Variants in EXOC4 observed in about 807,000 individuals in gnomAD.
The protein encoded by EXOC4 is exocyst complex component 4, also known as SEC8-like 1.
Under a neutral mutation model 107.2 loss-of-function variants are expected in EXOC4, and 71 were observed. The ratio of observed to expected loss-of-function variants is 0.66; its 90% CI spans 0.55 to 0.81. EXOC4 has a LOEUF of 0.81. Among genes scored for constraint, EXOC4 ranks in the 30% least tolerant of loss-of-function variants. The pLI is 0.00. For missense variants in EXOC4, 1,108 were observed against 1,189.6 expected (o/e 0.93, Z 1.01); for synonymous variants, 456 against 441.2 (o/e 1.03, Z -0.42).
the EXOC4 span, among the ~76,000 whole-genome samples, chr7:134,098,207 T>C: frequency 1.1e-4 from 16 of 152,306 alleles, 1 homozygote; most frequent in Admixed American, 8.5e-4. Context: ...TAAAGCCTGC[T>C]GTGATGTTAA....
intron 10 of EXOC4, among the ~76,000 whole-genome samples, chr7:133,682,526 T>C (rs1350138648): frequency 6.6e-6 from 1 of 152,160 alleles, no homozygotes; most frequent in African/African-American, 2.4e-5. Context: ...AAACCTCTTT[T>C]TGTTCCCAGT....
At chr7:134,026,678 G>A (rs1257757899) in intron 17 of EXOC4, among the ~76,000 whole-genome samples, 1 of 152,060 alleles carries the variant, frequency 6.6e-6, no homozygotes, top group Non-Finnish European at 1.5e-5. Flanking sequence ...ATGCTGTTAT[G>A]GAAAGATATT....
At chr7:133,350,144 G>A (rs1463771168) in intron 5 of EXOC4, among the ~76,000 whole-genome samples, 2 of 151,832 alleles carry the variant, frequency 1.3e-5, no homozygotes, top group South Asian at 2.1e-4. Flanking sequence ...TTTGTTCTTA[G>A]TGTCTTTTGG....
At chr7:133,643,893 C>T (rs556398094) in intron 10 of EXOC4, among the ~76,000 whole-genome samples, 1 of 152,296 alleles carries the variant, frequency 6.6e-6, no homozygotes, top group South Asian at 2.1e-4. Flanking sequence ...ATGACTACTT[C>T]CTCTACTGAT....
intron 10 of EXOC4, among the ~76,000 whole-genome samples, chr7:133,737,247 A>G (rs551276132): frequency 6.6e-6 from 1 of 152,240 alleles, no homozygotes; most frequent in East Asian, 1.9e-4. Flanking sequence ...CTCCTTATTG[A>G]CTGTAATTGA....
chr7:133,792,483 G>GAA (rs777976054), intron 10 of EXOC4, among the ~76,000 whole-genome samples: 1 of 147,270 alleles, frequency 6.8e-6, no homozygotes, highest in Non-Finnish European at 1.5e-5. Context: ...AGCCCGGAAG[G>GAA]TTGAGGCTGC....
chr7:133,556,779 G>A (rs117963243), intron 9 of EXOC4, among the ~76,000 whole-genome samples: 2,762 of 152,278 alleles, frequency 0.018, 52 homozygotes, highest in Non-Finnish European at 0.028. Context: ...TGCTGAAGGA[G>A]TGGGAGAGTT....
chr7:133,368,366 A>G (rs148640852), intron 6 of EXOC4, among the ~76,000 whole-genome samples: 45 of 152,350 alleles, frequency 3.0e-4, no homozygotes, highest in East Asian at 1.9e-3. Context: ...ATACAGAATT[A>G]TTATTATGGA....
At chr7:133,470,380 G>A (rs1033437630) in intron 7 of EXOC4, among the ~76,000 whole-genome samples, 3 of 152,132 alleles carry the variant, frequency 2.0e-5, no homozygotes, top group Admixed American at 6.5e-5. Context: ...CTTTAATACC[G>A]TGAGATTGCT....
At chr7:134,016,001 A>C (rs768848742) in intron 17 of EXOC4, among the ~76,000 whole-genome samples, 1 of 151,934 alleles carries the variant, frequency 6.6e-6, no homozygotes, top group African/African-American at 2.4e-5. Flanking sequence ...GGTCTTGGAG[A>C]GTGATTGAAT....
chr7:133,528,534 C>T (rs537185402), intron 9 of EXOC4, among the ~76,000 whole-genome samples: 15 of 152,018 alleles, frequency 9.9e-5, no homozygotes, highest in Non-Finnish European at 1.6e-4. Context: ...AGTTGGTTTT[C>T]GGGAAGAGGC....
At chr7:133,676,543 G>A (rs976717262) in intron 10 of EXOC4, among the ~76,000 whole-genome samples, 3 of 152,080 alleles carry the variant, frequency 2.0e-5, no homozygotes, top group Non-Finnish European at 2.9e-5. Context: ...CTCTTTTCAT[G>A]TGTAGGAACC....
In EXOC4 at chr7:134,005,029, C is replaced by T. The variant is rs773459860; in HGVS notation, c.2466C>T (p.Ser822=). The T allele has an allele frequency of 9.9e-6, 16 of 1,613,438 alleles. No homozygotes were observed. Among genetic ancestry groups the T allele is most frequent in the Non-Finnish European group, 1.0e-5 (12 of 1,179,648 alleles). Residue 822 remains serine (S), a synonymous_variant, in exon 16 of 18, where the codon AGC becomes AGT. Transcript: ENST00000253861. The stretch of plus-strand genomic sequence containing the variant: ...TGGTCAAGCTCAACAAAGATATCAG[C>T]GCCATTGAAGAGGCCATGAGCGCCA... ...PLVVKLNKDI[S]AIEEAMSASL...
In EXOC4 at chr7:133,645,854, G is replaced by T. The variant is rs1047504272; in HGVS notation, c.1514+15713G>T. Among the ~76,000 whole-genome samples the T allele has an allele frequency of 5.9e-5, 9 of 152,318 alleles. No homozygotes were observed. The South Asian group carries it at 1.4e-3, about 25-fold the overall frequency. On this transcript the variant is annotated intron_variant, in intron 10 of 17. Coordinates refer to ENST00000253861, the MANE Select transcript of EXOC4 (RefSeq NM_021807.4). ...ATTTTGTGGTAAAGTTATGTAAAGAGGACTAGTTTTTATTTAGGTAATTGT... is the reference window on the plus strand; with the variant it reads ...ATTTTGTGGTAAAGTTATGTAAAGATGACTAGTTTTTATTTAGGTAATTGT...
intron 11 of EXOC4, among the ~76,000 whole-genome samples, chr7:133,820,785 G>A (rs996512109): frequency 6.6e-6 from 1 of 152,232 alleles, no homozygotes; most frequent in African/African-American, 2.4e-5. Flanking sequence ...AGCTGTCTCA[G>A]TGATGCTTCC....
chr7:133,627,749 G>A (rs1324193516), intron 9 of EXOC4, among the ~76,000 whole-genome samples: 2 of 152,128 alleles, frequency 1.3e-5, no homozygotes, highest in East Asian at 3.9e-4. Context: ...TCATATCTCT[G>A]ATGCAAATAT....
chr7:133,667,636 CTT>C (rs1793850535), intron 10 of EXOC4, among the ~76,000 whole-genome samples: 2 of 152,126 alleles, frequency 1.3e-5, no homozygotes, highest in Admixed American at 1.3e-4. Context: ...TGAATTTACT[CTT>C]TTGTCTTCAT....
chr7:133,570,286 C>G (rs956523145), intron 9 of EXOC4, among the ~76,000 whole-genome samples: 2 of 152,156 alleles, frequency 1.3e-5, no homozygotes, highest in African/African-American at 4.8e-5. Flanking sequence ...GTCTTACAGT[C>G]TCACCAGTTA....
At chr7:133,794,031 G>C (rs1195423388) in intron 10 of EXOC4, among the ~76,000 whole-genome samples, 2 of 151,976 alleles carry the variant, frequency 1.3e-5, no homozygotes, top group Non-Finnish European at 2.9e-5. Context: ...ACATTTGCTA[G>C]GTCTTTCCCT....
Sources: gnomAD v4.1 joint callset for allele counts (sites outside exome capture counted in the v4.1 genomes callset) on GRCh38, gnomAD v4.1.1 for gene constraint, MANE v1.5 for transcripts, NCBI Gene and HGNC (gene_info 2026-07-23, HGNC 2026-07-21) for gene names.